NPAS3: variants seen among roughly 807,000 people sequenced by gnomAD.
The protein encoded by NPAS3 is neuronal PAS domain-containing protein 3.
Under a neutral mutation model 73.1 loss-of-function variants are expected in NPAS3, and 14 were observed. That is an observed-to-expected ratio of 0.19 (90% confidence interval 0.13 to 0.30). NPAS3 has a LOEUF of 0.30. Ranked by LOEUF, NPAS3 falls within the 10% of genes least tolerant of loss-of-function variation. The probability of loss-of-function intolerance (pLI) is 1.00; values close to 1 mark genes in which losing one functional copy is unlikely to be tolerated. For missense variants in NPAS3, 1,096 were observed against 1,250.0 expected (o/e 0.88, Z 1.86); for synonymous variants, 620 against 541.5 (o/e 1.14, Z -2.01).
intron 1 of NPAS3, among the ~76,000 whole-genome samples, chr14:33,040,964 C>A (rs930973970): frequency 1.3e-5 from 2 of 152,116 alleles, no homozygotes; most frequent in Non-Finnish European, 2.9e-5. Flanking sequence ...GAACAGGAAA[C>A]CACAACACAG....
At chr14:33,106,746 T>C (rs1000391577) in intron 2 of NPAS3, among the ~76,000 whole-genome samples, 1 of 152,172 alleles carries the variant, frequency 6.6e-6, no homozygotes, top group African/African-American at 2.4e-5. Context: ...ACCGCAGAAC[T>C]GATGCACGGG....
At chr14:33,216,399 A>T (rs2047226853) in intron 3 of NPAS3, among the ~76,000 whole-genome samples, 2 of 152,154 alleles carry the variant, frequency 1.3e-5, no homozygotes, top group South Asian at 4.1e-4. Flanking sequence ...CTTTTGTAGG[A>T]TTCAGATTGA....
At chr14:33,053,768 C>T (rs545022054) in intron 1 of NPAS3, among the ~76,000 whole-genome samples, 58 of 152,214 alleles carry the variant, frequency 3.8e-4, no homozygotes, top group Middle Eastern at 3.4e-3. Context: ...TTTTCTGTCA[C>T]GAACAAAAGA....
chr14:33,195,256 G>GT (rs1055358439), intron 2 of NPAS3, among the ~76,000 whole-genome samples: 49 of 150,750 alleles, frequency 3.3e-4, no homozygotes, highest in East Asian at 1.6e-3. Context: ...TTAAAAAAGG[G>GT]TTTTTTTTTG....
In NPAS3 at chr14:33,190,792, G is replaced by A. The variant is rs188376488; in HGVS notation, c.141-24390G>A. 9.2e-5 allele frequency among the ~76,000 whole-genome samples: 14 copies of A among 152,248 alleles called. No homozygotes were observed. The East Asian group carries it at 1.4e-3, about 15-fold the overall frequency. The stretch of plus-strand genomic sequence containing the variant: ...ACTCACTGCCAACATGATATGTGTC[G>A]TGCTGTCCTTTAGCGCCCATCGGTA... On this transcript the variant is annotated intron_variant, in intron 2 of 11. Coordinates refer to ENST00000356141, the Ensembl canonical transcript of NPAS3.
intron 4 of NPAS3, among the ~76,000 whole-genome samples, chr14:33,424,559 TGAG>T (rs769491396): frequency 7.2e-5 from 11 of 151,844 alleles, no homozygotes; most frequent in Non-Finnish European, 1.2e-4. Context: ...GGTGAAAGAA[TGAG>T]GAGAAGGAAT....
At chr14:33,735,435 G>A in intron 7 of NPAS3, 103 bp downstream of exon 7, 1 of 793,008 alleles carries the variant, frequency 1.3e-6, no homozygotes, top group East Asian at 2.5e-5. Flanking sequence ...GAATACATGT[G>A]ATCTTGAGGA....
At chr14:33,158,885 G>A (rs555305550) in intron 2 of NPAS3, among the ~76,000 whole-genome samples, 8 of 152,148 alleles carry the variant, frequency 5.3e-5, no homozygotes, top group African/African-American at 1.7e-4. Context: ...ATTACTGGCC[G>A]GGCGCAGTGG....
chr14:33,549,169 C>T (rs903953856), intron 4 of NPAS3, among the ~76,000 whole-genome samples: 5 of 152,204 alleles, frequency 3.3e-5, no homozygotes, highest in East Asian at 1.9e-4. Context: ...TGCATAAAAC[C>T]TTTCACTTCA....
intron 3 of NPAS3, among the ~76,000 whole-genome samples, chr14:33,307,668 C>A (rs2042812827): frequency 6.7e-6 from 1 of 149,330 alleles, no homozygotes; most frequent in Non-Finnish European, 1.5e-5. Context: ...GGAAATAGTT[C>A]TCCATTCCAA....
chr14:33,625,309 C>T (rs1481797474), intron 5 of NPAS3, among the ~76,000 whole-genome samples: 6 of 152,226 alleles, frequency 3.9e-5, no homozygotes, highest in African/African-American at 7.2e-5. Context: ...GGCATAAACA[C>T]GATAACAGAG....
intron 3 of NPAS3, among the ~76,000 whole-genome samples, chr14:33,346,300 G>C (rs541971208): frequency 1.3e-5 from 2 of 151,642 alleles, no homozygotes; most frequent in Non-Finnish European, 2.9e-5. Context: ...AGGCCAAGGT[G>C]GGGGGATTGT....
intron 4 of NPAS3, among the ~76,000 whole-genome samples, chr14:33,466,076 C>G (rs779542521): frequency 6.6e-6 from 1 of 152,096 alleles, no homozygotes; most frequent in Non-Finnish European, 1.5e-5. Context: ...AATGAGCATG[C>G]GCTTGAGCTT....
rs1330358334 is a variant in NPAS3 at position 33,680,311 on chromosome 14, C to G, written c.733+3926C>G. On this transcript the variant is annotated intron_variant, in intron 6 of 11. Transcript: ENST00000356141. ...TGTTGAAGGCAAATAGTAATATTCT[C>G]TATATTAGGCTGTAAAAGTGTTGTG... Among the ~76,000 whole-genome samples the G allele has an allele frequency of 3.9e-5, 6 of 152,292 alleles. No individual in the cohort carries two copies. In the East Asian group the frequency reaches 1.2e-3, roughly 29 times the overall value.
chr14:32,989,419 C>G (rs1004909575), intron 1 of NPAS3, among the ~76,000 whole-genome samples: 1 of 151,962 alleles, frequency 6.6e-6, no homozygotes, highest in Non-Finnish European at 1.5e-5. Context: ...CCGAGGCGGG[C>G]GGATCACGAG....
At chr14:33,617,421 G>T (rs2057952758) in intron 5 of NPAS3, among the ~76,000 whole-genome samples, 1 of 152,050 alleles carries the variant, frequency 6.6e-6, no homozygotes, top group African/African-American at 2.4e-5. Context: ...AATTTAGGTG[G>T]GGGGAATGCC....
At chr14:33,751,073 T>C (rs1375180281) in intron 7 of NPAS3, among the ~76,000 whole-genome samples, 4 of 152,140 alleles carry the variant, frequency 2.6e-5, no homozygotes, top group Admixed American at 6.6e-5. Flanking sequence ...TAAAGATATC[T>C]AAGCTGAGCT....
At chr14:33,080,956 C>A (rs749812217) in intron 2 of NPAS3, among the ~76,000 whole-genome samples, 2 of 152,124 alleles carry the variant, frequency 1.3e-5, no homozygotes, top group African/African-American at 4.8e-5. Context: ...TTCCCAGAGG[C>A]CGTTTGTTAA....
chr14:33,575,452 T>C (rs1301609114), intron 5 of NPAS3, among the ~76,000 whole-genome samples: 1 of 152,200 alleles, frequency 6.6e-6, no homozygotes, highest in Non-Finnish European at 1.5e-5. Flanking sequence ...TTTTGCCAGA[T>C]CTCTCTAATT....
Sources: gnomAD v4.1 joint callset for allele counts (sites outside exome capture counted in the v4.1 genomes callset) on GRCh38, gnomAD v4.1.1 for gene constraint, MANE v1.5 for transcripts, NCBI Gene and HGNC (gene_info 2026-07-23, HGNC 2026-07-21) for gene names.